Variants in PTCD3 observed in about 807,000 individuals in gnomAD.
The protein encoded by PTCD3 is pentatricopeptide repeat domain 3, also known as small ribosomal subunit protein mS39.
In PTCD3, 89 loss-of-function variants were observed where a neutral mutation model predicts 101.9. The ratio of observed to expected loss-of-function variants is 0.87; its 90% CI spans 0.74 to 1.04. The LOEUF (loss-of-function observed/expected upper bound fraction) is 1.04, where lower values mean the gene tolerates loss of function less well. PTCD3 is among the 50% of genes least tolerant of loss of function. The pLI is 0.00. For synonymous variants in PTCD3, 296 were observed against 278.5 expected, an observed-to-expected ratio of 1.06 and a Z score of -0.63; for missense variants, 870 against 828.2, an observed-to-expected ratio of 1.05 and a Z score of -0.62.
chr2:86,142,057 AG>A lies in PTCD3; in HGVS notation c.*4504del, dbSNP rs58330825. 0.77 allele frequency: 117,535 copies of A among 152,110 alleles called. 46,663 individuals carry two copies. The highest frequency in any genetic ancestry group is 0.87 in the South Asian group (4,187 of 4,804). 9.4% of individuals were successfully genotyped at this position (152,110 alleles called of 1,614,324 possible). A position where few individuals can be genotyped will look rare whatever the true frequency, so the allele number is the denominator to read the frequency against. On this transcript the variant is annotated 3_prime_UTR_variant, in exon 24 of 24. Transcript: ENST00000254630. ...CATCTTTGTTCCTAATAAGCAATCA[AG>A]GGGGGTGGGTGTGTTGGCTGGTAAA...
intron 19 of PTCD3, 28 bp from the exon 20 acceptor site, chr2:86,134,264 T>C: frequency 6.7e-7 from 1 of 1,496,488 alleles, no homozygotes; most frequent in Admixed American, 1.7e-5. Context: ...ATAACAATGA[T>C]CACTCCTTGT....
intron 6 of PTCD3, among the ~76,000 whole-genome samples, chr2:86,118,009 T>C (rs1326930661): frequency 6.6e-6 from 1 of 152,188 alleles, no homozygotes; most frequent in Non-Finnish European, 1.5e-5. Flanking sequence ...ACTCCTGACC[T>C]CGTGATCCAC....
At chr2:86,128,541 A>G (rs1674439312) in intron 14 of PTCD3, among the ~76,000 whole-genome samples, 1 of 152,220 alleles carries the variant, frequency 6.6e-6, no homozygotes. Context: ...GGTGCTCAGT[A>G]GCCATGTGTC....
At chr2:86,122,262 C>G (rs1369597984) in intron 8 of PTCD3, among the ~76,000 whole-genome samples, 1 of 152,174 alleles carries the variant, frequency 6.6e-6, no homozygotes, top group Non-Finnish European at 1.5e-5. Flanking sequence ...AAGTGGGAAG[C>G]AGGCTATCAG....
chr2:86,112,698 AAAAAAATTT>A (rs1674112215), intron 4 of PTCD3, among the ~76,000 whole-genome samples: 2 of 151,838 alleles, frequency 1.3e-5, no homozygotes, highest in Non-Finnish European at 2.9e-5. Context: ...AAAAAAAAAA[AAAAAAATTT>A]AAAATAAAAT....
At position 86,140,521 on chromosome 2, in the gene PTCD3, C is replaced by A. The variant is rs988902099; in HGVS notation, c.*2962C>A. The A allele has an allele frequency of 6.6e-6, 1 of 151,980 alleles. No homozygotes were observed. The highest frequency in any genetic ancestry group is 1.5e-5 in the Non-Finnish European group (1 of 68,012). The allele number at this position is 151,980 out of a possible 1,614,324, so 9.4% of individuals were successfully genotyped here. ...GATATATGCATTAAGTGTAGCAAATCGTGATGTAAATTTTTTACTGCTGGT... is the reference window on the plus strand; with the variant it reads ...GATATATGCATTAAGTGTAGCAAATAGTGATGTAAATTTTTTACTGCTGGT... On this transcript the variant is annotated 3_prime_UTR_variant, in exon 24 of 24. Coordinates refer to ENST00000254630, the MANE Select transcript of PTCD3 (RefSeq NM_017952.6).
chr2:86,129,289 A>G (rs2104458807), intron 14 of PTCD3, among the ~76,000 whole-genome samples: 1 of 152,298 alleles, frequency 6.6e-6, no homozygotes, highest in Admixed American at 6.5e-5. Context: ...ACATTTCCTA[A>G]GTAACAGCCA....
intron 15 of PTCD3, 49 bp downstream of exon 15, chr2:86,130,786 G>GGTT (rs1558799437): frequency 5.6e-6 from 9 of 1,601,446 alleles, no homozygotes; most frequent in Non-Finnish European, 7.7e-6. Context: ...ACAGAGGGCC[G>GGTT]GTTTACCTGA....
In PTCD3 at chr2:86,127,128, A is replaced by G. The variant is rs750718848; in HGVS notation, c.952-33A>G. On this transcript the variant is annotated intron_variant, in intron 12 of 23. Transcript: ENST00000254630. ...AGATTATTGGACAGATTACCCAGGC[A>G]TGAAAGATACTTCTTGTTTTTTATT... 4 of 1,581,022 alleles carry G rather than the reference A, an allele frequency of 2.5e-6. No homozygotes were observed. In the African/African-American group the frequency reaches 4.1e-5, roughly 16 times the overall value.
At position 86,125,894 on chromosome 2, in the gene PTCD3, C is replaced by T. The variant is rs1674375554; in HGVS notation, c.951+14C>T. On this transcript the variant is annotated intron_variant, in intron 12 of 23. Coordinates refer to ENST00000254630, the MANE Select transcript of PTCD3 (RefSeq NM_017952.6). Reference sequence around the variant, plus strand: ...AGTAAAATACTGGTAAGGAGGAATCCTCAGTTTATTTTTTAATAGGGCTTA... The same window carrying T: ...AGTAAAATACTGGTAAGGAGGAATCTTCAGTTTATTTTTTAATAGGGCTTA... The T allele has an allele frequency of 6.5e-7, 1 of 1,548,386 alleles. No individual in the cohort carries two copies. Among genetic ancestry groups the T allele is most frequent in the African/African-American group, 1.4e-5 (1 of 73,372 alleles).
intron 12 of PTCD3, among the ~76,000 whole-genome samples, chr2:86,126,361 C>G (rs1434503422): frequency 1.3e-5 from 2 of 152,040 alleles, no homozygotes; most frequent in Non-Finnish European, 2.9e-5. Context: ...TCAGCTGTGT[C>G]TGGCACATAA....
At chr2:86,125,392 CAG>C in intron 10 of PTCD3, 61 bp from the exon 11 acceptor site, 1 of 1,507,176 alleles carries the variant, frequency 6.6e-7, no homozygotes, top group Non-Finnish European at 9.2e-7. Flanking sequence ...AACTCTAGGA[CAG>C]AAATGTGCAA....
chr2:86,137,079 C>T lies in PTCD3; in HGVS notation c.1918C>T (p.Pro640Ser). 6.2e-7 allele frequency: 1 copy of T among 1,612,366 alleles called. No individual in the cohort carries two copies. Among genetic ancestry groups the T allele is most frequent in the Non-Finnish European group, 8.5e-7 (1 of 1,179,482 alleles). Reference protein sequence around the residue: ...VVELASAFSLPICEGLTQRVM... With the variant: ...VVELASAFSLSICEGLTQRVM... The stretch of plus-strand genomic sequence containing the variant: ...AGAGCTGGCAAGTGCCTTCAGCTTA[C>T]CTATTTGTGAGGGCCTCACCCAGAG... Residue 640 changes from proline to serine, a missense_variant, in exon 23 of 24, where the codon CCT (proline) becomes TCT (serine). By Grantham distance (74) the Pro-to-Ser change is moderately conservative. Transcript: ENST00000254630.
rs1037588660 is a variant in PTCD3, at chr2:86,137,996, T to C, written c.*437T>C. ...AGGTGTTCATGCAGTTCTAACACAGTTGGGGTTGGGTCAATAGTTTCCCAA... is the reference window on the plus strand; with the variant it reads ...AGGTGTTCATGCAGTTCTAACACAGCTGGGGTTGGGTCAATAGTTTCCCAA... On this transcript the variant is annotated 3_prime_UTR_variant, in exon 24 of 24. Coordinates refer to ENST00000254630, the MANE Select transcript of PTCD3 (RefSeq NM_017952.6). The C allele has an allele frequency of 5.9e-6, 1 of 169,668 alleles. No individual in the cohort carries two copies. The highest frequency in any genetic ancestry group is 1.3e-5 in the Non-Finnish European group (1 of 77,626). The allele number at this position is 169,668 out of a possible 1,614,324, so 10.5% of individuals were successfully genotyped here.
At chr2:86,121,402 AT>A (rs1016783328) in intron 7 of PTCD3, 76 bp from the exon 8 acceptor site, 24 of 890,308 alleles carry the variant, frequency 2.7e-5, no homozygotes, top group South Asian at 6.6e-5. Context: ...ATATAAAAAA[AT>A]GACACATTTT....
At chr2:86,130,193 G>A (rs748774028) in intron 14 of PTCD3, among the ~76,000 whole-genome samples, 28 of 152,202 alleles carry the variant, frequency 1.8e-4, no homozygotes, top group South Asian at 1.0e-3. Flanking sequence ...CCAGCTGCTC[G>A]GAAGGCTGAG....
rs11450641 is a variant in PTCD3, at chr2:86,138,689, A to AG, written c.*1131dup. On this transcript the variant is annotated 3_prime_UTR_variant, in exon 24 of 24. Transcript: ENST00000254630. ...TTAATTGAGGGACAAAAAAAAAAAA[A>AG]GCCGATATAGTAGCTAGCTACTTAA... is the stretch of plus-strand genomic sequence containing the variant. 1 of 151,508 alleles carries AG rather than the reference A, an allele frequency of 6.6e-6. No homozygotes were observed. The highest frequency in any genetic ancestry group is 2.4e-5 in the African/African-American group (1 of 41,198). The allele number at this position is 151,508 out of a possible 1,614,324, so 9.4% of individuals were successfully genotyped here.
Position 86,118,918 on chromosome 2 carries a change from T to C in PTCD3, c.415-3T>C. 6.2e-7 allele frequency: 1 copy of C among 1,610,584 alleles called. No individual in the cohort carries two copies. The highest frequency in any genetic ancestry group is 8.5e-7 in the Non-Finnish European group (1 of 1,179,084). On this transcript the variant is annotated splice_region_variant and splice_polypyrimidine_tract_variant and intron_variant, in intron 6 of 23. Coordinates refer to ENST00000254630, the MANE Select transcript of PTCD3 (RefSeq NM_017952.6). ...AGTAACTTTAGTCATCTTGTTTTCCTAGTGTTTAATGCCTGAGTACTTTGA... is the reference window on the plus strand; with the variant it reads ...AGTAACTTTAGTCATCTTGTTTTCCCAGTGTTTAATGCCTGAGTACTTTGA...
intron 1 of PTCD3, among the ~76,000 whole-genome samples, chr2:86,108,094 A>G (rs1357827418): frequency 6.6e-6 from 1 of 151,906 alleles, no homozygotes; most frequent in Non-Finnish European, 1.5e-5. Flanking sequence ...CTACTTCACT[A>G]AAGGCTAGGC....
Sources: gnomAD v4.1 joint callset for allele counts (sites outside exome capture counted in the v4.1 genomes callset) on GRCh38, gnomAD v4.1.1 for gene constraint, MANE v1.5 for transcripts, NCBI Gene and HGNC (gene_info 2026-07-23, HGNC 2026-07-21) for gene names.